Variants in ECD observed in about 807,000 individuals in gnomAD.
ECD encodes protein ecdysoneless homolog.
A neutral mutation model predicts 77.2 loss-of-function variants in ECD; 59 were observed. That is an observed-to-expected ratio of 0.76 (90% CI 0.62 to 0.95). The LOEUF is 0.95. Among genes scored for constraint, ECD ranks in the 40% least tolerant of loss-of-function variants. The pLI is 0.00. For missense variants in ECD, 704 were observed against 763.4 expected (o/e 0.92, Z 0.92); for synonymous variants, 233 against 267.4 (o/e 0.87, Z 1.26).
At chr10:73,138,662 G>A (rs1270669465) in intron 11 of ECD, among the ~76,000 whole-genome samples, 1 of 152,064 alleles carries the variant, frequency 6.6e-6, no homozygotes, top group East Asian at 1.9e-4. Flanking sequence ...TGCCTTCCGG[G>A]GTCAAGCGAT....
chr10:73,161,164 CA>C (rs59553109), intron 2 of ECD, among the ~76,000 whole-genome samples: 22,664 of 124,268 alleles, frequency 0.18, 2,768 homozygotes, highest in African/African-American at 0.36. Context: ...ACCTATACCT[CA>C]AAAAAAAAAA....
intron 7 of ECD, among the ~76,000 whole-genome samples, chr10:73,151,723 T>G (rs900673778): frequency 1.3e-5 from 2 of 152,204 alleles, no homozygotes; most frequent in African/African-American, 4.8e-5. Context: ...ACTATGTTCA[T>G]AGTTCTGAAC....
At chr10:73,151,241 C>T (rs565263183) in intron 7 of ECD, among the ~76,000 whole-genome samples, 1 of 151,882 alleles carries the variant, frequency 6.6e-6, no homozygotes, top group Non-Finnish European at 1.5e-5. Flanking sequence ...ATGGATGAAG[C>T]TGGAAACCAT....
chr10:73,161,940 T>C lies in ECD; in HGVS notation c.206-1389A>G, dbSNP rs185424853. On this transcript the variant is annotated intron_variant, in intron 2 of 13. Coordinates refer to ENST00000372979, the MANE Select transcript of ECD (RefSeq NM_007265.3). ...CAGAATGAAGGTCAAACAAGTGCAT[T>C]ACAGAGTGTCTCAAGAGCTGCCATG... 3.4e-3 allele frequency among the ~76,000 whole-genome samples: 511 copies of C among 152,294 alleles called. 3 individuals carry two copies. Among genetic ancestry groups the C allele is most frequent in the African/African-American group, 0.011 (476 of 41,564 alleles).
chr10:73,143,832 C>CTTT (rs541608935), intron 9 of ECD, among the ~76,000 whole-genome samples: 6,297 of 106,546 alleles, frequency 0.059, 422 homozygotes, highest in East Asian at 0.26. Flanking sequence ...TTATAACTTG[C>CTTT]TTTTTTTTTT....
chr10:73,166,526 T>C (rs1843467594), intron 1 of ECD, among the ~76,000 whole-genome samples: 1 of 152,204 alleles, frequency 6.6e-6, no homozygotes, highest in Non-Finnish European at 1.5e-5. Context: ...TGAGATGCTA[T>C]CTTATTGTAG....
intron 8 of ECD, among the ~76,000 whole-genome samples, chr10:73,147,788 G>A (rs578216696): frequency 1.3e-5 from 2 of 152,078 alleles, no homozygotes; most frequent in Admixed American, 1.3e-4. Flanking sequence ...CAAGGTATAG[G>A]AGTGTTATTT....
At chr10:73,159,541 A>G (rs549801486) in intron 3 of ECD, among the ~76,000 whole-genome samples, 26 of 152,158 alleles carry the variant, frequency 1.7e-4, no homozygotes, top group African/African-American at 2.4e-4. Flanking sequence ...TGTTTACCAC[A>G]TGTATTTGTT....
chr10:73,160,529 A>G lies in ECD; in HGVS notation c.228T>C (p.Phe76=), dbSNP rs1843362126. 8 of 1,610,946 alleles carry G rather than the reference A, an allele frequency of 5.0e-6. No homozygotes were observed. Among genetic ancestry groups the G allele is most frequent in the African/African-American group, 4.0e-5 (3 of 74,820 alleles). ...TGTTATCCCCAAACTTTGTCACGCC[A>G]AACATATGAGCAGGAACACCTCCTA... The part of the protein sequence containing the change: ...PGKGGVPAHM[F]GVTKFGDNIE... The change falls in exon 3 of 14, where the codon TTT becomes TTC. Residue 76 remains phenylalanine, a synonymous_variant. Coordinates refer to ENST00000372979, the MANE Select transcript of ECD (RefSeq NM_007265.3).
intron 1 of ECD, among the ~76,000 whole-genome samples, chr10:73,164,638 T>A (rs1371674792): frequency 6.6e-6 from 1 of 151,826 alleles, no homozygotes; most frequent in Non-Finnish European, 1.5e-5. Flanking sequence ...CAGCTAACTT[T>A]TTTTGTATTT....
At chr10:73,144,473 G>A (rs1476054907) in intron 9 of ECD, among the ~76,000 whole-genome samples, 2 of 152,042 alleles carry the variant, frequency 1.3e-5, no homozygotes, top group African/African-American at 2.4e-5. Context: ...CTAGGCAACA[G>A]AGTGAGACTC....
At chr10:73,154,862 AG>A (rs1184582110) in intron 5 of ECD, among the ~76,000 whole-genome samples, 4 of 151,780 alleles carry the variant, frequency 2.6e-5, no homozygotes, top group Non-Finnish European at 5.9e-5. Context: ...TGAACCCGGG[AG>A]GCAGAGGTTG....
Position 73,152,382 on chromosome 10 carries a change from G to A in ECD, c.823C>T (p.Gln275Ter), listed in dbSNP as rs752916755. The A allele has an allele frequency of 2.5e-6, 4 of 1,613,698 alleles. No homozygotes were observed. Among genetic ancestry groups the A allele is most frequent in the African/African-American group, 1.3e-5 (1 of 74,898 alleles). ...TKCLYAQLVQ[Q>*]RFVPDRRSGY... ...CTCCGCCGGTCTGGCACAAACCTTTGTTGCACCAATTGTGCATATAGACAT... is the reference window on the plus strand; with the variant it reads ...CTCCGCCGGTCTGGCACAAACCTTTATTGCACCAATTGTGCATATAGACAT... Residue 275 changes from glutamine to a stop codon, truncating the protein, a stop_gained, in exon 7 of 14, where the codon CAA (glutamine) becomes TAA (stop). Coordinates refer to ENST00000372979, the MANE Select transcript of ECD (RefSeq NM_007265.3). LOFTEE classifies it high-confidence loss of function.
chr10:73,160,382 A>T, intron 3 of ECD, 52 bp downstream of exon 3: 1 of 1,222,880 alleles, frequency 8.2e-7, no homozygotes. Context: ...AAATGTAGTC[A>T]CTTTGTTTCA....
chr10:73,157,443 G>A (rs1843311307), intron 3 of ECD, among the ~76,000 whole-genome samples: 1 of 151,738 alleles, frequency 6.6e-6, no homozygotes, highest in East Asian at 1.9e-4. Flanking sequence ...ACATGGCCAG[G>A]TGCAGTGGCT....
chr10:73,161,836 G>A (rs182227442), intron 2 of ECD, among the ~76,000 whole-genome samples: 5 of 152,222 alleles, frequency 3.3e-5, no homozygotes, highest in East Asian at 1.9e-4. Flanking sequence ...TATTCACCAC[G>A]ACCAAGCGAG....
intron 9 of ECD, among the ~76,000 whole-genome samples, chr10:73,140,588 A>G (rs1843041623): frequency 6.6e-6 from 1 of 152,082 alleles, no homozygotes; most frequent in Admixed American, 6.5e-5. Context: ...AGGCTGAGGC[A>G]GGAGAATTGC....
At chr10:73,138,648 C>A (rs1473437895) in intron 11 of ECD, among the ~76,000 whole-genome samples, 1 of 152,164 alleles carries the variant, frequency 6.6e-6, no homozygotes, top group South Asian at 2.1e-4. Flanking sequence ...CTCACTGCAA[C>A]CTCTGCCTTC....
At chr10:73,142,281 T>A (rs1178485442) in intron 9 of ECD, among the ~76,000 whole-genome samples, 1 of 152,044 alleles carries the variant, frequency 6.6e-6, no homozygotes. Flanking sequence ...AGTGCTGGGA[T>A]TACAGGTGTG....
Sources: gnomAD v4.1 joint callset for allele counts (sites outside exome capture counted in the v4.1 genomes callset) on GRCh38, gnomAD v4.1.1 for gene constraint, MANE v1.5 for transcripts, NCBI Gene and HGNC (gene_info 2026-07-23, HGNC 2026-07-21) for gene names.